Variants in NCALD observed in about 807,000 individuals in gnomAD.
The protein encoded by NCALD is neurocalcin delta, also known as neurocalcin-delta.
NCALD carries 10 observed loss-of-function variants against 18.6 expected under a neutral mutation model. The observed-to-expected ratio is 0.54, with a 90% CI of 0.33 to 0.91. NCALD has a LOEUF of 0.91. Ranked by LOEUF, NCALD falls within the 40% of genes least tolerant of loss-of-function variation. The pLI, the probability that NCALD is intolerant of heterozygous loss-of-function variation, is 0.03. For synonymous variants in NCALD, 88 were observed against 87.4 expected (o/e 1.01, Z -0.04); for missense variants, 184 against 247.6 (o/e 0.74, Z 1.72).
intron 1 of NCALD, among the ~76,000 whole-genome samples, chr8:102,050,996 T>C (rs1219155860): frequency 6.7e-6 from 1 of 150,374 alleles, no homozygotes; most frequent in Non-Finnish European, 1.5e-5. Flanking sequence ...ATACAACATA[T>C]ATAAAGTAAT....
chr8:101,945,510 G>A (rs1387726277), intron 2 of NCALD, among the ~76,000 whole-genome samples: 2 of 152,208 alleles, frequency 1.3e-5, no homozygotes, highest in Admixed American at 6.5e-5. Flanking sequence ...TTTAATGACT[G>A]GAGTTGCTAT....
At chr8:101,899,011 A>C (rs563457013) in intron 3 of NCALD, among the ~76,000 whole-genome samples, 1 of 152,186 alleles carries the variant, frequency 6.6e-6, no homozygotes, top group South Asian at 2.1e-4. Flanking sequence ...CTTCCAATCC[A>C]CAAACACAAA....
In NCALD at chr8:101,961,228, T is replaced by A. The variant is rs142695844; in HGVS notation, c.-156-45370A>T. ...CAAATGAGATAATATAAGTAAAATA[T>A]TTAGCACAGAATCTGGTAGATAATA... is the stretch of plus-strand genomic sequence containing the variant. On this transcript the variant is annotated intron_variant, in intron 2 of 6. Coordinates refer to the NCALD transcript ENST00000311028. Among the ~76,000 whole-genome samples, 465 of 152,274 alleles carry A rather than the reference T, an allele frequency of 3.1e-3. 1 individual carries two copies. Among genetic ancestry groups the A allele is most frequent in the African/African-American group, 9.6e-3 (401 of 41,566 alleles).
intron 1 of NCALD, among the ~76,000 whole-genome samples, chr8:102,031,263 T>A (rs1268974562): frequency 1.3e-5 from 2 of 152,042 alleles, no homozygotes; most frequent in Middle Eastern, 6.8e-3. Context: ...CATCCACAGA[T>A]AAACGATAAG....
chr8:101,830,740 C>CTT (rs750459094), intron 4 of NCALD, among the ~76,000 whole-genome samples: 10 of 132,060 alleles, frequency 7.6e-5, no homozygotes, highest in East Asian at 2.2e-4. Context: ...GAGAGGAATA[C>CTT]TTTTTTTTTT....
intron 1 of NCALD, among the ~76,000 whole-genome samples, chr8:102,080,654 T>G (rs886542844): frequency 1.3e-5 from 2 of 152,238 alleles, no homozygotes; most frequent in Non-Finnish European, 2.9e-5. Flanking sequence ...AAGTGTGGGC[T>G]CTGGGGAACC....
chr8:102,119,367 CATAGAGACAGAAAGTAGAATAGTGG>C (rs1367947985), intron 1 of NCALD, among the ~76,000 whole-genome samples: 11 of 152,184 alleles, frequency 7.2e-5, no homozygotes, highest in African/African-American at 2.7e-4. Context: ...GTAGTCAATT[CATAGAGACAGAAAGTAGAATAGTGG>C]TTGCCAGAGG....
rs201688789 is a variant in NCALD at position 101,827,846 on chromosome 8, ACCT to A, written c.-20+59292_-20+59294del. Among the ~76,000 whole-genome samples, 1,449 of 152,216 alleles carry A rather than the reference ACCT, an allele frequency of 9.5e-3. 13 individuals are homozygous for A. Among genetic ancestry groups the A allele is most frequent in the Middle Eastern group, 0.031 (9 of 294 alleles). On this transcript the variant is annotated intron_variant, in intron 4 of 6. Transcript: ENST00000311028. ...CTTTAATCCTTAAGTAACTTTTTCT[ACCT>A]CAATTGCCTTTGTAGATAGGTCAGC...
At position 101,763,124 on chromosome 8, in the gene NCALD, T is replaced by C. The variant is rs1286084973; in HGVS notation, c.-20+27738A>G. On this transcript the variant is annotated intron_variant, in intron 1 of 3. Coordinates refer to ENST00000220931, the MANE Select transcript of NCALD (RefSeq NM_032041.3). ...ATCAGGCACTGTGCTAGGCATTCTG[T>C]CTCAGGCAAACAGAAAAATTAATAA... Among the ~76,000 whole-genome samples, 10 of 152,200 alleles carry C rather than the reference T, an allele frequency of 6.6e-5. No homozygotes were observed. In the East Asian group the frequency reaches 1.7e-3, roughly 26 times the overall value.
At chr8:101,818,293 G>A (rs1377071899) in intron 4 of NCALD, among the ~76,000 whole-genome samples, 1 of 152,094 alleles carries the variant, frequency 6.6e-6, no homozygotes, top group Non-Finnish European at 1.5e-5. Context: ...CGATTTCCTT[G>A]GTTTGTTTTG....
intron 4 of NCALD, among the ~76,000 whole-genome samples, chr8:101,830,813 T>C (rs1586594652): frequency 6.6e-6 from 1 of 150,560 alleles, no homozygotes; most frequent in East Asian, 2.0e-4. Flanking sequence ...CGATCTCGGC[T>C]CACTGCAAGC....
At chr8:101,940,123 G>A (rs1316391178) in intron 2 of NCALD, among the ~76,000 whole-genome samples, 1 of 152,184 alleles carries the variant, frequency 6.6e-6, no homozygotes, top group African/African-American at 2.4e-5. Context: ...CTTGAGCATA[G>A]TGAATTTTGT....
At chr8:102,025,732 A>T (rs146850219) in intron 1 of NCALD, among the ~76,000 whole-genome samples, 17 of 152,344 alleles carry the variant, frequency 1.1e-4, no homozygotes, top group African/African-American at 3.8e-4. Context: ...AGGCATGTGG[A>T]TCCTTAAGTA....
chr8:101,734,163 CATCAG>C (rs1816971378), intron 1 of NCALD, among the ~76,000 whole-genome samples: 1 of 152,174 alleles, frequency 6.6e-6, no homozygotes, highest in African/African-American at 2.4e-5. Context: ...GCCTCTGCTC[CATCAG>C]ATCTGTTCTT....
At chr8:101,731,984 C>T (rs1403478852) in intron 1 of NCALD, among the ~76,000 whole-genome samples, 2 of 152,204 alleles carry the variant, frequency 1.3e-5, no homozygotes, top group Admixed American at 1.3e-4. Flanking sequence ...CACCATCAGA[C>T]CACCTGGCCG....
At chr8:101,952,286 G>A (rs931102750) in intron 2 of NCALD, among the ~76,000 whole-genome samples, 4 of 152,052 alleles carry the variant, frequency 2.6e-5, no homozygotes, top group South Asian at 2.1e-4. Flanking sequence ...CTTCTTCCTC[G>A]GCTCCCTCTC....
chr8:101,897,943 A>G (rs981296001), intron 3 of NCALD, among the ~76,000 whole-genome samples: 4 of 152,206 alleles, frequency 2.6e-5, no homozygotes, highest in African/African-American at 4.8e-5. Context: ...GGTTCCCCCA[A>G]TGTGTTCTCA....
At chr8:101,739,827 T>C (rs539838027) in intron 1 of NCALD, among the ~76,000 whole-genome samples, 11 of 152,288 alleles carry the variant, frequency 7.2e-5, no homozygotes, top group African/African-American at 2.4e-4. Context: ...TGGCCTACTG[T>C]GGGACTTCAC....
intron 1 of NCALD, among the ~76,000 whole-genome samples, chr8:102,082,220 C>CTTTTTTTTTTTTT (rs1824564429): frequency 8.0e-6 from 1 of 124,728 alleles, no homozygotes; most frequent in African/African-American, 3.5e-5. Flanking sequence ...ATTTGAGAAG[C>CTTTTTTTTTTTTT]TCTCTCTTTT....
Sources: allele counts gnomAD v4.1 joint callset (sites outside exome capture counted in the v4.1 genomes callset), GRCh38; gene constraint gnomAD v4.1.1; transcripts MANE v1.5; gene names NCBI Gene and HGNC (gene_info 2026-07-23, HGNC 2026-07-21).